PCDHGB5: variants seen among roughly 807,000 people sequenced by gnomAD.
PCDHGB5 encodes protocadherin gamma subfamily B, 5.
A neutral mutation model predicts 62.9 loss-of-function variants in PCDHGB5; 48 were observed. That is an observed-to-expected ratio of 0.76 (90% CI 0.61 to 0.97). The LOEUF (loss-of-function observed/expected upper bound fraction) is 0.97. Ranked by LOEUF, PCDHGB5 falls within the 50% of genes least tolerant of loss-of-function variation. PCDHGB5 has a pLI of 0.00. For synonymous variants in PCDHGB5, 474 were observed against 511.2 expected (o/e 0.93, Z 0.98); for missense variants, 1,118 against 1,198.6 (o/e 0.93, Z 0.99).
At position 141,431,056 on chromosome 5, in the gene PCDHGB5, C is replaced by T; in HGVS notation, c.2397+30532C>T. ...ACCGGGAGGAGCTCTGTATGGGGGC[C>T]ATCAAGTGTCAATTAAATCTAGACA... On this transcript the variant is annotated intron_variant, in intron 1 of 3. Transcript: ENST00000617380. The surrounding 1 kb of genome is among the most constrained non-coding windows in gnomAD (Gnocchi z 4.8). 1 of 1,614,126 alleles carries T rather than the reference C, an allele frequency of 6.2e-7. No homozygotes were observed. The highest frequency in any genetic ancestry group is 8.5e-7 in the Non-Finnish European group (1 of 1,180,000).
intron 1 of PCDHGB5, chr5:141,414,557 A>C: frequency 6.2e-7 from 1 of 1,613,906 alleles, no homozygotes. Flanking sequence ...CAAGTCTCCT[A>C]CTTTACCTAT....
At chr5:141,402,799 C>G in intron 1 of PCDHGB5, 1 of 1,061,846 alleles carries the variant, frequency 9.4e-7, no homozygotes, top group Non-Finnish European at 1.3e-6. Flanking sequence ...TACACAAAAC[C>G]CGGCAGATAC....
At chr5:141,405,029 C>T in intron 1 of PCDHGB5, 1 of 1,613,976 alleles carries the variant, frequency 6.2e-7, no homozygotes, top group Non-Finnish European at 8.5e-7. Flanking sequence ...TACCCTCTAC[C>T]TCGTTGTGGC....
chr5:141,422,605 G>A (rs2096658595), intron 1 of PCDHGB5: 1 of 1,613,898 alleles, frequency 6.2e-7, no homozygotes, highest in Non-Finnish European at 8.5e-7. Flanking sequence ...CTCTTACTCT[G>A]CCTACATTCC....
In PCDHGB5 at chr5:141,491,841, A is replaced by T. The variant is rs995010359; in HGVS notation, c.2398-2966A>T. The T allele has an allele frequency of 1.4e-6, 2 of 1,465,172 alleles. No homozygotes were observed. The highest frequency in any genetic ancestry group is 1.4e-5 in the African/African-American group (1 of 69,948). 90.8% of individuals were successfully genotyped at this position (1,465,172 alleles called of 1,614,324 possible). ...TGCGCTCCACCCGATTCTCGGGATC[A>T]TTGGACCGTTTGCGCGAAACCAGAG... is the stretch of plus-strand genomic sequence containing the variant. On this transcript the variant is annotated intron_variant, in intron 1 of 3. Transcript: ENST00000617380. The surrounding 1 kb of genome is among the most constrained non-coding windows in gnomAD (Gnocchi z 6.9).
rs201673318 is a variant in PCDHGB5, at chr5:141,421,626, C to G, written c.2397+21102C>G. On this transcript the variant is annotated intron_variant, in intron 1 of 3. Coordinates refer to ENST00000617380, the MANE Select transcript of PCDHGB5 (RefSeq NM_018925.3). ...TAGATATTAATGATAACGCCCCCAG[C>G]TTCCAGGAGGACGAAGTGGAGATAA... 1.9e-6 allele frequency: 3 copies of G among 1,613,842 alleles called. No individual in the cohort carries two copies. In the African/African-American group the frequency reaches 4.0e-5, roughly 21 times the overall value.
intron 1 of PCDHGB5, chr5:141,423,905 G>T: frequency 7.9e-7 from 1 of 1,273,594 alleles, no homozygotes; most frequent in Non-Finnish European, 9.9e-7. Flanking sequence ...GATTTCAAAG[G>T]GGCCATTCAA....
In PCDHGB5 at chr5:141,423,390, T is replaced by C. The variant is rs751337994; in HGVS notation, c.2397+22866T>C. ...TGGCACTCAGGCTGTGGCGCTGGCATAAGTCACGCCTGCTGCAGGCTTCTG... is the reference window on the plus strand; with the variant it reads ...TGGCACTCAGGCTGTGGCGCTGGCACAAGTCACGCCTGCTGCAGGCTTCTG... On this transcript the variant is annotated intron_variant, in intron 1 of 3. Coordinates refer to ENST00000617380, the MANE Select transcript of PCDHGB5 (RefSeq NM_018925.3). 2.5e-6 allele frequency: 4 copies of C among 1,614,144 alleles called. No homozygotes were observed. In the South Asian group the frequency reaches 3.3e-5, roughly 13 times the overall value.
At chr5:141,409,529 G>T (rs2095278932) in intron 1 of PCDHGB5, 1 of 1,613,962 alleles carries the variant, frequency 6.2e-7, no homozygotes, top group Non-Finnish European at 8.5e-7. Flanking sequence ...CTTGTATGTC[G>T]CTGACATCAA....
At chr5:141,403,266 A>G in intron 1 of PCDHGB5, 11 of 1,613,858 alleles carry the variant, frequency 6.8e-6, no homozygotes, top group Non-Finnish European at 9.3e-6. Context: ...TGTCTGGTGA[A>G]CTTTAAAGTC....
intron 1 of PCDHGB5, chr5:141,478,131 A>G (rs747801474): frequency 6.2e-7 from 1 of 1,614,064 alleles, no homozygotes; most frequent in Non-Finnish European, 8.5e-7. Flanking sequence ...GACTCTCCTG[A>G]AGCCCGAGCC....
At chr5:141,419,505 G>C in intron 1 of PCDHGB5, 1 of 1,612,324 alleles carries the variant, frequency 6.2e-7, no homozygotes, top group Non-Finnish European at 8.5e-7. Flanking sequence ...GTGAGCCTGC[G>C]CGTGTTGGTG....
chr5:141,427,606 G>A (rs965315804), intron 1 of PCDHGB5: 2 of 688,192 alleles, frequency 2.9e-6, no homozygotes, highest in African/African-American at 3.5e-5. Flanking sequence ...CTACGCATTG[G>A]TGAAGTCAAC....
At position 141,431,260 on chromosome 5, in the gene PCDHGB5, G is replaced by A. The variant is rs762250032; in HGVS notation, c.2397+30736G>A. The A allele has an allele frequency of 6.2e-7, 1 of 1,614,170 alleles. No individual in the cohort carries two copies. The highest frequency in any genetic ancestry group is 2.2e-5 in the East Asian group (1 of 44,892). On this transcript the variant is annotated intron_variant, in intron 1 of 3. Coordinates refer to ENST00000617380, the MANE Select transcript of PCDHGB5 (RefSeq NM_018925.3). The surrounding 1 kb of genome is among the most constrained non-coding windows in gnomAD (Gnocchi z 4.8). The stretch of plus-strand genomic sequence containing the variant: ...ATCCGGATATCGGGAAGAACTCTCT[G>A]CAGAGCTACGAGCTCAGCCCGAACA...
intron 2 of PCDHGB5, among the ~76,000 whole-genome samples, chr5:141,498,618 G>A (rs191513899): frequency 1.3e-5 from 2 of 152,220 alleles, no homozygotes; most frequent in East Asian, 3.9e-4. Context: ...TCAGCACTGG[G>A]TCACACTGCC....
intron 1 of PCDHGB5, chr5:141,421,230 G>T: frequency 6.3e-7 from 1 of 1,590,132 alleles, no homozygotes. Context: ...AGCCTGCCAT[G>T]GCGAATCGGC....
chr5:141,415,284 G>T (rs186109113), intron 1 of PCDHGB5: 1 of 1,614,198 alleles, frequency 6.2e-7, no homozygotes, highest in East Asian at 2.2e-5. Context: ...CGGTGGCCGC[G>T]GTCTCCTGCG....
chr5:141,485,744 G>T lies in PCDHGB5; in HGVS notation c.2398-9063G>T. 1 of 1,614,226 alleles carries T rather than the reference G, an allele frequency of 6.2e-7. No individual in the cohort carries two copies. Among genetic ancestry groups the T allele is most frequent in the Non-Finnish European group, 8.5e-7 (1 of 1,180,038 alleles). On this transcript the variant is annotated intron_variant, in intron 1 of 3. Transcript: ENST00000617380. The surrounding 1 kb of genome is among the most constrained non-coding windows in gnomAD (Gnocchi z 5.7). ...GAAGAAGCGCAGCGACGGCAGCCTG[G>T]TCCCAGAGCTGCTCCTGGAGAAGCC...
At position 141,455,034 on chromosome 5, in the gene PCDHGB5, G is replaced by T. The variant is rs112590950; in HGVS notation, c.2398-39773G>T. 8.3e-3 allele frequency among the ~76,000 whole-genome samples: 1,254 copies of T among 150,894 alleles called. 18 individuals are homozygous for T. Among genetic ancestry groups the T allele is most frequent in the African/African-American group, 0.029 (1,191 of 41,122 alleles). ...TCACCGTGTTAGCCAGGATGGTCTC[G>T]ATCTCCTGACCTCGTGATCCGCCCG... On this transcript the variant is annotated intron_variant, in intron 1 of 3. Coordinates refer to ENST00000617380, the MANE Select transcript of PCDHGB5 (RefSeq NM_018925.3).
Sources: gnomAD v4.1 joint callset for allele counts (sites outside exome capture counted in the v4.1 genomes callset) on GRCh38, gnomAD v4.1.1 for gene constraint, Gnocchi (gnomAD v3.1) non-coding constraint, MANE v1.5 for transcripts, NCBI Gene and HGNC (gene_info 2026-07-23, HGNC 2026-07-21) for gene names.